The following KCNIP4 variants were observed in gnomAD, a reference collection of about 807,000 sequenced individuals.
The protein encoded by KCNIP4 is Kv channel-interacting protein 4.
A neutral mutation model predicts 34.0 loss-of-function variants in KCNIP4; 12 were observed. That is an observed-to-expected ratio of 0.35 (90% confidence interval 0.23 to 0.57). KCNIP4 has a LOEUF of 0.57. Ranked by LOEUF, KCNIP4 falls within the 20% of genes least tolerant of loss-of-function variation. The probability of loss-of-function intolerance (pLI) is 0.83; values close to 1 mark genes in which losing one functional copy is unlikely to be tolerated. For missense variants in KCNIP4, 238 were observed against 311.7 expected (o/e 0.76, Z 1.78); for synonymous variants, 124 against 102.2 (o/e 1.21, Z -1.29).
At chr4:21,049,503 G>A (rs1193377120) in intron 1 of KCNIP4, among the ~76,000 whole-genome samples, 1 of 152,174 alleles carries the variant, frequency 6.6e-6, no homozygotes, top group East Asian at 1.9e-4. Flanking sequence ...CTCTAAGGAA[G>A]AAAGGCTCAA....
intron 1 of KCNIP4, among the ~76,000 whole-genome samples, chr4:21,457,694 A>G (rs1729079544): frequency 6.6e-6 from 1 of 152,042 alleles, no homozygotes; most frequent in Admixed American, 6.6e-5. Context: ...CAGATGGAAG[A>G]AGTGAGGGTA....
At chr4:21,247,802 T>G (rs1312705046) in intron 1 of KCNIP4, among the ~76,000 whole-genome samples, 2 of 90,788 alleles carry the variant, frequency 2.2e-5, no homozygotes, top group African/African-American at 1.2e-4. Context: ...CACAGGTGGA[T>G]ATATATATAT....
At chr4:21,885,536 T>C (rs1278186583) in intron 1 of KCNIP4, among the ~76,000 whole-genome samples, 1 of 152,148 alleles carries the variant, frequency 6.6e-6, no homozygotes, top group African/African-American at 2.4e-5. Flanking sequence ...TATTTCTTGT[T>C]TTCTTGCCAC....
At chr4:21,374,617 G>A (rs1473492613) in intron 1 of KCNIP4, among the ~76,000 whole-genome samples, 1 of 147,582 alleles carries the variant, frequency 6.8e-6, no homozygotes, top group Non-Finnish European at 1.5e-5. Context: ...GTATGGGCAT[G>A]ATAACTTAAT....
chr4:21,867,927 C>T (rs563594469), intron 1 of KCNIP4, among the ~76,000 whole-genome samples: 16 of 152,188 alleles, frequency 1.1e-4, no homozygotes, highest in African/African-American at 2.4e-4. Context: ...AGAATCCTTT[C>T]GGGTCATTCT....
chr4:21,464,265 T>G (rs1006368108), intron 1 of KCNIP4, among the ~76,000 whole-genome samples: 4 of 152,068 alleles, frequency 2.6e-5, no homozygotes, highest in African/African-American at 9.7e-5. Flanking sequence ...AGTTTGCTCT[T>G]CTTTTTATAG....
At chr4:21,819,152 T>C (rs1722173997) in intron 1 of KCNIP4, among the ~76,000 whole-genome samples, 1 of 152,218 alleles carries the variant, frequency 6.6e-6, no homozygotes, top group South Asian at 2.1e-4. Flanking sequence ...TGATATTAGG[T>C]GAGGTTAAAA....
At chr4:20,996,304 A>G (rs1207532898) in intron 1 of KCNIP4, among the ~76,000 whole-genome samples, 1 of 152,214 alleles carries the variant, frequency 6.6e-6, no homozygotes, top group African/African-American at 2.4e-5. Flanking sequence ...ATTAAAGAGC[A>G]TATCTTTCAT....
chr4:21,482,784 T>C (rs1306216717), intron 1 of KCNIP4, among the ~76,000 whole-genome samples: 7 of 152,128 alleles, frequency 4.6e-5, no homozygotes, highest in African/African-American at 1.7e-4. Flanking sequence ...CTGACAATTA[T>C]GTGTCTTGGA....
intron 1 of KCNIP4, among the ~76,000 whole-genome samples, chr4:21,357,285 G>A (rs1718733744): frequency 6.6e-6 from 1 of 152,084 alleles, no homozygotes; most frequent in African/African-American, 2.4e-5. Context: ...AACACCAAAA[G>A]CAATGGCAAC....
intron 1 of KCNIP4, among the ~76,000 whole-genome samples, chr4:21,052,813 T>C (rs1229921114): frequency 1.3e-5 from 2 of 152,130 alleles, no homozygotes; most frequent in Non-Finnish European, 2.9e-5. Context: ...CTTGGCACTG[T>C]CTGTATCTGT....
chr4:21,194,110 G>A (rs1257961295), intron 1 of KCNIP4, among the ~76,000 whole-genome samples: 1 of 152,168 alleles, frequency 6.6e-6, no homozygotes, highest in Non-Finnish European at 1.5e-5. Context: ...GCTTTATCAA[G>A]TGGGTTTTGT....
At chr4:21,278,389 T>C (rs1762567598) in intron 1 of KCNIP4, among the ~76,000 whole-genome samples, 1 of 152,090 alleles carries the variant, frequency 6.6e-6, no homozygotes, top group African/African-American at 2.4e-5. Context: ...TGTCTATTGT[T>C]CCCCTCTCTG....
At chr4:21,911,105 C>G (rs1728281744) in intron 1 of KCNIP4, among the ~76,000 whole-genome samples, 1 of 151,900 alleles carries the variant, frequency 6.6e-6, no homozygotes, top group Admixed American at 6.6e-5. Flanking sequence ...TTAAAAAGAT[C>G]AATTTTGGCA....
chr4:21,637,020 G>A (rs1401520519), intron 1 of KCNIP4, among the ~76,000 whole-genome samples: 2 of 152,058 alleles, frequency 1.3e-5, no homozygotes, highest in Admixed American at 6.6e-5. Context: ...CAGCGAAGAG[G>A]GGAGTAAACT....
chr4:20,770,922 G>A (rs899734646), intron 3 of KCNIP4, among the ~76,000 whole-genome samples: 9 of 151,954 alleles, frequency 5.9e-5, no homozygotes, highest in Non-Finnish European at 1.0e-4. Context: ...GAGACAGAGC[G>A]AGACTCCATC....
chr4:21,806,871 T>C (rs917824450), intron 1 of KCNIP4, among the ~76,000 whole-genome samples: 3 of 151,980 alleles, frequency 2.0e-5, no homozygotes, highest in Non-Finnish European at 4.4e-5. Context: ...ACAAGGAGGG[T>C]TGGATGGGAT....
At chr4:21,263,183 G>A (rs962715591) in intron 1 of KCNIP4, among the ~76,000 whole-genome samples, 16 of 152,272 alleles carry the variant, frequency 1.1e-4, no homozygotes, top group East Asian at 1.9e-4. Context: ...GTAATATGCC[G>A]TTCTCCTTTG....
At chr4:21,694,562 T>C (rs1039020792) in intron 1 of KCNIP4, among the ~76,000 whole-genome samples, 2 of 152,170 alleles carry the variant, frequency 1.3e-5, no homozygotes, top group Non-Finnish European at 2.9e-5. Flanking sequence ...GTATCTTATT[T>C]TAGCTGGACA....
Sources: allele counts gnomAD v4.1 joint callset (sites outside exome capture counted in the v4.1 genomes callset), GRCh38; gene constraint gnomAD v4.1.1; transcripts MANE v1.5; gene names NCBI Gene and HGNC (gene_info 2026-07-23, HGNC 2026-07-21).